Variants in ASTL observed in about 807,000 individuals in gnomAD.
ASTL encodes astacin like metalloendopeptidase, also known as astacin-like metalloendopeptidase.
In ASTL, 27 loss-of-function variants were observed where a neutral mutation model predicts 36.7. The ratio of observed to expected loss-of-function variants is 0.73; its 90% CI spans 0.54 to 1.01. The LOEUF is 1.01. Ranked by LOEUF, ASTL falls within the 50% of genes least tolerant of loss-of-function variation. The pLI is 0.00. For synonymous variants in ASTL, 222 were observed against 228.1 expected (o/e 0.97, Z 0.24); for missense variants, 524 against 572.8 (o/e 0.91, Z 0.87).
rs1412467541 is a variant in ASTL at position 96,133,551 on chromosome 2, C to T, written c.338-9G>A. 8 of 1,604,460 alleles carry T rather than the reference C, an allele frequency of 5.0e-6. No individual in the cohort carries two copies. The highest frequency in any genetic ancestry group is 3.3e-5 in the South Asian group (3 of 90,924). ...CTGGCGGCTGGGCTCATCTGGAAGA[C>T]ACCACCTGGCTGAGCCCCCAGAGCC... On this transcript the variant is annotated splice_polypyrimidine_tract_variant and intron_variant, in intron 4 of 8. Coordinates refer to ENST00000342380, the MANE Select transcript of ASTL (RefSeq NM_001002036.4).
intron 8 of ASTL, among the ~76,000 whole-genome samples, chr2:96,126,310 A>C (rs2104764362): frequency 6.6e-6 from 1 of 152,372 alleles, no homozygotes; most frequent in Middle Eastern, 3.4e-3. Context: ...AACTCTTACA[A>C]CTCAGAAGAG....
At chr2:96,136,053 C>T (rs1682292891) in intron 2 of ASTL, among the ~76,000 whole-genome samples, 1 of 152,208 alleles carries the variant, frequency 6.6e-6, no homozygotes, top group Non-Finnish European at 1.5e-5. Context: ...TACCGGCTCT[C>T]GCAAGCCCCT....
rs1037664548 is a variant in ASTL, at chr2:96,123,663, C to A, written c.*187G>T. 3.3e-5 allele frequency among the ~76,000 whole-genome samples: 5 copies of A among 152,168 alleles called. No homozygotes were observed. The highest frequency in any genetic ancestry group is 7.3e-5 in the Non-Finnish European group (5 of 68,030). On this transcript the variant is annotated 3_prime_UTR_variant, in exon 9 of 9. Coordinates refer to ENST00000342380, the MANE Select transcript of ASTL (RefSeq NM_001002036.4). ...TTCCCCTGTGGCAGAGCTAGAAGAACCCCTGGCCCTAGGAGCCCTTAGGGG... is the reference window on the plus strand; with the variant it reads ...TTCCCCTGTGGCAGAGCTAGAAGAAACCCTGGCCCTAGGAGCCCTTAGGGG...
intron 1 of ASTL, chr2:96,137,909 C>T: frequency 1.8e-6 from 1 of 550,500 alleles, no homozygotes. Flanking sequence ...GGAAGGAGCT[C>T]CCTTAGGGGG....
intron 2 of ASTL, among the ~76,000 whole-genome samples, chr2:96,135,646 G>C (rs1404177700): frequency 6.6e-6 from 1 of 152,272 alleles, no homozygotes; most frequent in East Asian, 1.9e-4. Context: ...TGTGCGGACT[G>C]TCTGCAGGTG....
intron 3 of ASTL, among the ~76,000 whole-genome samples, chr2:96,134,343 C>T (rs1476672704): frequency 3.3e-5 from 5 of 152,236 alleles, no homozygotes; most frequent in Non-Finnish European, 7.3e-5. Context: ...GGCCCAGCAC[C>T]CCAGGGTGCC....
Position 96,124,035 on chromosome 2 carries a change from T to G in ASTL, c.1111A>C (p.Arg371=). 6.2e-7 allele frequency: 1 copy of G among 1,613,984 alleles called. No individual in the cohort carries two copies. The highest frequency in any genetic ancestry group is 8.5e-7 in the Non-Finnish European group (1 of 1,179,958). ...RQPQTLASSP[R]SRPGAGAPGV... ...GGGGCACCTGCTCCAGGCCTTGATC[T>G]TGGGGAGGAAGCTAGGGTCTGAGGC... The change falls in exon 9 of 9, where the codon AGA becomes CGA. Residue 371 remains arginine (R), a synonymous_variant. Coordinates refer to ENST00000342380, the MANE Select transcript of ASTL (RefSeq NM_001002036.4). This position sits in a 1 kb window ranked among gnomAD's most constrained non-coding sequence, Gnocchi z 4.1.
At chr2:96,135,551 G>A (rs1271038917) in intron 2 of ASTL, 139 bp from the exon 3 acceptor site, 2 of 730,528 alleles carry the variant, frequency 2.7e-6, no homozygotes, top group Non-Finnish European at 4.6e-6. Flanking sequence ...TTCTTAAATA[G>A]CCTGATAAAA....
chr2:96,137,963 CAGGA>C (rs1201634067), intron 1 of ASTL, among the ~76,000 whole-genome samples: 1 of 152,162 alleles, frequency 6.6e-6, no homozygotes, highest in East Asian at 1.9e-4. Flanking sequence ...AGAGGAGGGG[CAGGA>C]AGGAAGGAGG....
chr2:96,126,782 G>GGAGGT (rs1682072621), intron 8 of ASTL, among the ~76,000 whole-genome samples: 1 of 152,022 alleles, frequency 6.6e-6, no homozygotes, highest in Non-Finnish European at 1.5e-5. Context: ...CTTGAACCCT[G>GGAGGT]GAGGTGGAGG....
rs117050613 is a variant in ASTL at position 96,129,861 on chromosome 2, G to A, written c.837C>T (p.Tyr279=). ...ASDITRVLKL[Y]GCSPSGPRPR... ...GCCTGGGGCCACTTGGGCTGCAGCC[G>A]TAGAGTTTGAGGACCCGGGTGATGT... The change falls in exon 8 of 9, where the codon TAC becomes TAT. Residue 279 remains tyrosine (Y), a synonymous_variant. Transcript: ENST00000342380. 3.8e-4 allele frequency: 605 copies of A among 1,592,034 alleles called. 6 individuals carry two copies. The East Asian group carries it at 0.011, about 30-fold the overall frequency.
chr2:96,131,723 C>G (rs1172135333), intron 6 of ASTL, among the ~76,000 whole-genome samples: 1 of 151,908 alleles, frequency 6.6e-6, no homozygotes, highest in East Asian at 1.9e-4. Context: ...TGGGCCCAGG[C>G]AGCTTCCCTG....
rs754272008 is a variant in ASTL, at chr2:96,124,107, C to T, written c.1039G>A (p.Glu347Lys). The change falls in exon 9 of 9, where the codon GAG becomes AAG. Residue 347 changes from glutamate to lysine, a missense_variant. Physicochemically the swap from Glu to Lys is moderately conservative, Grantham distance 56 (BLOSUM62 1). Coordinates refer to ENST00000342380, the MANE Select transcript of ASTL (RefSeq NM_001002036.4). This position sits in a 1 kb window ranked among gnomAD's most constrained non-coding sequence, Gnocchi z 4.1. ...AGPGESPHGW[E>K]SPALKKLSAE... ...CTGAGCTTTTTCAGGGCAGGGGACT[C>T]CCACCCATGTGGGCTCTCCCCAGGC... 6 of 1,604,840 alleles carry T rather than the reference C, an allele frequency of 3.7e-6. No individual in the cohort carries two copies. In the East Asian group the frequency reaches 1.3e-4, roughly 36 times the overall value.
Position 96,129,819 on chromosome 2 carries a change from C to A in ASTL, c.874+5G>T. The A allele has an allele frequency of 6.5e-7, 1 of 1,532,328 alleles. No individual in the cohort carries two copies. The highest frequency in any genetic ancestry group is 8.8e-7 in the Non-Finnish European group (1 of 1,137,932). The allele number at this position is 1,532,328 out of a possible 1,614,324, so 94.9% of individuals were successfully genotyped here. On this transcript the variant is annotated splice_donor_5th_base_variant and intron_variant, in intron 8 of 8. Transcript: ENST00000342380. The stretch of plus-strand genomic sequence containing the variant: ...TTCAAGTCACCTTCCTGCCATGCCA[C>A]TCACCTCTCCCACGGGGCCTGGGGC...
chr2:96,132,452 G>T lies in ASTL; in HGVS notation c.637+88C>A. ...AGGCAGGTGATGGGGAGGATGGATA[G>T]CCTCACCCATGGGGACCAGGCGACT... On this transcript the variant is annotated intron_variant, in intron 6 of 8. Coordinates refer to ENST00000342380, the MANE Select transcript of ASTL (RefSeq NM_001002036.4). The surrounding 1 kb of genome is among the most constrained non-coding windows in gnomAD (Gnocchi z 5.4). The T allele has an allele frequency of 1.6e-6, 2 of 1,237,186 alleles. No homozygotes were observed. Among genetic ancestry groups the T allele is most frequent in the Non-Finnish European group, 2.2e-6 (2 of 891,292 alleles). 76.6% of individuals were successfully genotyped at this position (1,237,186 alleles called of 1,614,324 possible).
intron 2 of ASTL, 126 bp from the exon 3 acceptor site, chr2:96,135,538 A>G: frequency 1.3e-6 from 1 of 792,364 alleles, no homozygotes; most frequent in Non-Finnish European, 2.1e-6. Flanking sequence ...TTACTTTTAT[A>G]AGTTCTTAAA....
At position 96,132,768 on chromosome 2, in the gene ASTL, T is replaced by TC. The variant is rs528556110; in HGVS notation, c.456-48dup. 2.3e-4 allele frequency: 361 copies of TC among 1,554,112 alleles called. 5 individuals are homozygous for TC. In the South Asian group the frequency reaches 4.0e-3, roughly 17 times the overall value. On this transcript the variant is annotated intron_variant, in intron 5 of 8. Coordinates refer to ENST00000342380, the MANE Select transcript of ASTL (RefSeq NM_001002036.4). The surrounding 1 kb of genome is among the most constrained non-coding windows in gnomAD (Gnocchi z 5.4). ...TGGGGTAAGTGCCAGCCCAGATCCCTCCGGACATACAGACCTGGGCTCTCC... is the reference window on the plus strand; with the variant it reads ...TGGGGTAAGTGCCAGCCCAGATCCCTCCCGGACATACAGACCTGGGCTCTCC...
In ASTL at chr2:96,138,382, C is replaced by T. The variant is rs751499117; in HGVS notation, c.55G>A (p.Gly19Ser). Residue 19 changes from glycine (G) to serine (S), a missense_variant and splice_region_variant, in exon 1 of 9, where the codon GGT becomes AGT. Coordinates refer to ENST00000342380, the MANE Select transcript of ASTL (RefSeq NM_001002036.4). ...CAGGAGGGACAGGCAGCCAGCTTACCTGGCAAGGAGAGCAGACCCAGCACC... is the reference window on the plus strand; with the variant it reads ...CAGGAGGGACAGGCAGCCAGCTTACTTGGCAAGGAGAGCAGACCCAGCACC... ...PWVLGLLSLP[G>S]VILGAPLASS... 6.2e-7 allele frequency: 1 copy of T among 1,608,594 alleles called. No homozygotes were observed. The highest frequency in any genetic ancestry group is 8.5e-7 in the Non-Finnish European group (1 of 1,177,428).
rs1361748414 is a variant in ASTL at position 96,123,742 on chromosome 2, A to T, written c.*108T>A. 1.2e-6 allele frequency: 1 copy of T among 830,614 alleles called. No homozygotes were observed. Among genetic ancestry groups the T allele is most frequent in the East Asian group, 2.5e-5 (1 of 40,394 alleles). 51.5% of individuals were successfully genotyped at this position (830,614 alleles called of 1,614,324 possible). A position where few individuals can be genotyped will look rare whatever the true frequency, so the allele number is the denominator to read the frequency against. On this transcript the variant is annotated 3_prime_UTR_variant, in exon 9 of 9. Coordinates refer to ENST00000342380, the MANE Select transcript of ASTL (RefSeq NM_001002036.4). ...TCCTGGCCCTCTGAGATGGGGTGGT[A>T]GGTTGGGGCTGGAAGACAGTGGTGT...
Sources: allele counts gnomAD v4.1 joint callset (sites outside exome capture counted in the v4.1 genomes callset), GRCh38; gene constraint gnomAD v4.1.1; non-coding constraint Gnocchi (gnomAD v3.1); transcripts MANE v1.5; gene names NCBI Gene and HGNC (gene_info 2026-07-23, HGNC 2026-07-21).